SLC17A5: variants seen among roughly 807,000 people sequenced by gnomAD.
SLC17A5 encodes the protein sialin.
A neutral mutation model predicts 59.4 loss-of-function variants in SLC17A5; 47 were observed. The ratio of observed to expected loss-of-function variants is 0.79; its 90% CI spans 0.63 to 1.01. The LOEUF is 1.01. Ranked by LOEUF, SLC17A5 falls within the 50% of genes least tolerant of loss-of-function variation. The probability of loss-of-function intolerance (pLI) is 0.00; values close to 1 mark genes in which losing one functional copy is unlikely to be tolerated. For missense variants in SLC17A5, 522 were observed against 595.5 expected, an observed-to-expected ratio of 0.88 and a Z score of 1.28; for synonymous variants, 202 against 210.7, an observed-to-expected ratio of 0.96 and a Z score of 0.36.
At chr6:73,624,876 G>A (rs1768332283) in intron 6 of SLC17A5, among the ~76,000 whole-genome samples, 1 of 142,384 alleles carries the variant, frequency 7.0e-6, no homozygotes, top group Non-Finnish European at 1.5e-5. Context: ...TGTCTCAAAA[G>A]AAAACAATAT....
chr6:73,653,437 T>C (rs554119001), intron 1 of SLC17A5: 32 of 985,270 alleles, frequency 3.2e-5, no homozygotes, highest in Admixed American at 1.2e-4. Flanking sequence ...GTTCTTCCAC[T>C]GGGTCCCTTG....
rs150676397 is a variant in SLC17A5, at chr6:73,646,951, T to C, written c.95-2348A>G. 3.4e-3 allele frequency among the ~76,000 whole-genome samples: 517 copies of C among 152,292 alleles called. 3 individuals carry two copies. Among genetic ancestry groups the C allele is most frequent in the African/African-American group, 0.012 (495 of 41,586 alleles). On this transcript the variant is annotated intron_variant, in intron 1 of 10. Transcript: ENST00000355773. ...TCAGCCTCCCAAAGCACTGGAATTATAGACGTGAGCCACTGTGCCCAGCAG... is the reference window on the plus strand; with the variant it reads ...TCAGCCTCCCAAAGCACTGGAATTACAGACGTGAGCCACTGTGCCCAGCAG...
At position 73,644,568 on chromosome 6, in the gene SLC17A5, T is replaced by C. The variant is rs1346438531; in HGVS notation, c.130A>G (p.Ile44Val). 4 of 1,614,112 alleles carry C rather than the reference T, an allele frequency of 2.5e-6. No homozygotes were observed. Residue 44 changes from isoleucine (I) to valine (V), a missense_variant, in exon 2 of 11, where the codon ATT becomes GTT. Coordinates refer to ENST00000355773, the MANE Select transcript of SLC17A5 (RefSeq NM_012434.5). ...ATGAAGAAACCAAAAAAGGCCAAAA[T>C]TGCTAAGTTGTAACGAGCAGAGCAG... ...VCCSARYNLA[I>V]LAFFGFFIVY...
At chr6:73,629,030 G>T (rs904016212) in intron 6 of SLC17A5, among the ~76,000 whole-genome samples, 1 of 152,088 alleles carries the variant, frequency 6.6e-6, no homozygotes, top group Non-Finnish European at 1.5e-5. Context: ...GATTTGCTTC[G>T]CAATGCTGCA....
intron 3 of SLC17A5, among the ~76,000 whole-genome samples, chr6:73,640,360 A>G (rs942637658): frequency 6.6e-6 from 1 of 152,248 alleles, no homozygotes; most frequent in Non-Finnish European, 1.5e-5. Flanking sequence ...AAATCTTTTA[A>G]TAGTACCTGG....
intron 9 of SLC17A5, among the ~76,000 whole-genome samples, chr6:73,609,463 G>C (rs1767546619): frequency 6.6e-6 from 1 of 152,212 alleles, no homozygotes; most frequent in South Asian, 2.1e-4. Flanking sequence ...GGGTAAAATG[G>C]ATAGTGTTTA....
At chr6:73,652,770 C>A (rs370100851) in intron 1 of SLC17A5, among the ~76,000 whole-genome samples, 3 of 151,508 alleles carry the variant, frequency 2.0e-5, no homozygotes, top group Non-Finnish European at 4.4e-5. Flanking sequence ...AAGGTTGCCA[C>A]CTCTACTGCC....
At chr6:73,605,433 A>G (rs939961479) in intron 9 of SLC17A5, among the ~76,000 whole-genome samples, 1 of 152,128 alleles carries the variant, frequency 6.6e-6, no homozygotes, top group African/African-American at 2.4e-5. Flanking sequence ...AGTTGTTACC[A>G]CAACAAAAAG....
chr6:73,652,280 A>G, intron 1 of SLC17A5, among the ~76,000 whole-genome samples: 1 of 152,232 alleles, frequency 6.6e-6, no homozygotes, highest in East Asian at 1.9e-4. Context: ...AAGGGATGCT[A>G]TAAGCTACTT....
At chr6:73,648,201 A>G (rs1033764606) in intron 1 of SLC17A5, among the ~76,000 whole-genome samples, 7 of 152,264 alleles carry the variant, frequency 4.6e-5, no homozygotes, top group Admixed American at 1.3e-4. Flanking sequence ...TCAATCAGAA[A>G]ATTTTTATTT....
In SLC17A5 at chr6:73,636,851, T is replaced by C. The variant is rs10455094; in HGVS notation, c.614-144A>G. 0.064 allele frequency: 43,616 copies of C among 681,578 alleles called. 2,203 individuals carry two copies. The highest frequency in any genetic ancestry group is 0.21 in the Admixed American group (8,759 of 40,974). 42.2% of individuals were successfully genotyped at this position (681,578 alleles called of 1,614,324 possible). On this transcript the variant is annotated intron_variant, in intron 4 of 10. Transcript: ENST00000355773. ...ATCCCTGCACTTTGGGAGGCTGATG[T>C]GGGTGGATCACCTGAGCCTAGGAGT...
At chr6:73,618,238 T>C (rs1409112820) in intron 7 of SLC17A5, 1 of 125,724 alleles carries the variant, frequency 8.0e-6, no homozygotes, top group Non-Finnish European at 1.7e-5. Flanking sequence ...TAAAATAAAA[T>C]AAAATGAAAT....
intron 6 of SLC17A5, 187 bp downstream of exon 6, chr6:73,635,195 A>G (rs1768939059): frequency 6.4e-6 from 3 of 471,264 alleles, no homozygotes; most frequent in East Asian, 7.0e-5. Flanking sequence ...GACCTCCCCA[A>G]AGGACTGGGA....
chr6:73,612,179 A>AT (rs35543141), intron 8 of SLC17A5, among the ~76,000 whole-genome samples: 21,584 of 139,708 alleles, frequency 0.15, 2,314 homozygotes, highest in African/African-American at 0.3. Flanking sequence ...TGCCTGGCTA[A>AT]TTTTTTTTTT....
intron 7 of SLC17A5, among the ~76,000 whole-genome samples, chr6:73,616,965 ATTGCCTATTCTAC>A (rs893651059): frequency 4.0e-5 from 6 of 151,854 alleles, no homozygotes; most frequent in Admixed American, 3.3e-4. Context: ...ATCATCAAGC[ATTGCCTATTCTAC>A]TTCCCTTAAA....
intron 1 of SLC17A5, among the ~76,000 whole-genome samples, chr6:73,644,908 G>A (rs1287580648): frequency 6.6e-6 from 1 of 152,148 alleles, no homozygotes; most frequent in East Asian, 1.9e-4. Context: ...ATTTGTCAAA[G>A]ATTAGCTGTT....
chr6:73,636,956 C>T (rs537581239), intron 4 of SLC17A5, among the ~76,000 whole-genome samples: 44 of 151,950 alleles, frequency 2.9e-4, no homozygotes, highest in South Asian at 6.2e-4. Flanking sequence ...TGGTGATGCA[C>T]GCCTGTAGTA....
intron 8 of SLC17A5, among the ~76,000 whole-genome samples, chr6:73,611,733 G>T (rs1179128699): frequency 6.6e-6 from 1 of 152,216 alleles, no homozygotes; most frequent in Non-Finnish European, 1.5e-5. Flanking sequence ...GTCTACAGCA[G>T]TGCTATCCAA....
intron 6 of SLC17A5, among the ~76,000 whole-genome samples, chr6:73,624,455 T>C (rs1167449960): frequency 6.6e-6 from 1 of 152,120 alleles, no homozygotes; most frequent in Non-Finnish European, 1.5e-5. Context: ...AGCAAAGAAG[T>C]TTTTTTCTAT....
Sources: gnomAD v4.1 joint callset for allele counts (sites outside exome capture counted in the v4.1 genomes callset) on GRCh38, gnomAD v4.1.1 for gene constraint, MANE v1.5 for transcripts, NCBI Gene and HGNC (gene_info 2026-07-23, HGNC 2026-07-21) for gene names.